The following QTMAN variants were observed in gnomAD, a reference collection of about 807,000 sequenced individuals.
The protein encoded by QTMAN is queuosine-tRNA mannosyltransferase.
chr2:144,154,861 T>C, the QTMAN span, among the ~76,000 whole-genome samples: 1 of 152,234 alleles, frequency 6.6e-6, no homozygotes, highest in Non-Finnish European at 1.5e-5. Flanking sequence ...AGGTCCTACA[T>C]CTGTCTTATT....
chr2:144,080,518 T>TA, the QTMAN span, among the ~76,000 whole-genome samples: 1 of 152,170 alleles, frequency 6.6e-6, no homozygotes, highest in African/African-American at 2.4e-5. Flanking sequence ...CAATGTTAAC[T>TA]AAACCATATG....
At chr2:143,943,487 T>C in the QTMAN span, 1 of 152,232 alleles carries the variant, frequency 6.6e-6, no homozygotes, top group African/African-American at 2.4e-5. Flanking sequence ...GAAAACTGAT[T>C]CTATCATCCA....
At chr2:144,301,043 T>C in the QTMAN span, among the ~76,000 whole-genome samples, 1 of 152,082 alleles carries the variant, frequency 6.6e-6, no homozygotes, top group African/African-American at 2.4e-5. Flanking sequence ...AGAAAGAAAA[T>C]GGGTTTTTTT....
At chr2:144,326,997 G>C in the QTMAN span, among the ~76,000 whole-genome samples, 3 of 152,076 alleles carry the variant, frequency 2.0e-5, no homozygotes, top group Non-Finnish European at 2.9e-5. Context: ...CTTTTGCTAC[G>C]ACGTGGGTGT....
chr2:144,096,453 G>C, the QTMAN span, among the ~76,000 whole-genome samples: 1 of 152,148 alleles, frequency 6.6e-6, no homozygotes. Context: ...AGACACTGTA[G>C]AACAATTGAG....
the QTMAN span, among the ~76,000 whole-genome samples, chr2:143,990,559 G>C: frequency 6.6e-6 from 1 of 152,128 alleles, no homozygotes; most frequent in Admixed American, 6.5e-5. Context: ...TGTGAGGATG[G>C]CTGTTATTGC....
At chr2:144,230,587 T>C in the QTMAN span, among the ~76,000 whole-genome samples, 1 of 152,068 alleles carries the variant, frequency 6.6e-6, no homozygotes, top group African/African-American at 2.4e-5. Context: ...CAGGGGCATA[T>C]TGGCAGAGGC....
chr2:144,113,677 C>T, the QTMAN span, among the ~76,000 whole-genome samples: 1 of 152,128 alleles, frequency 6.6e-6, no homozygotes, highest in Non-Finnish European at 1.5e-5. Flanking sequence ...CTTCTGAAAA[C>T]TAAAGACAGA....
the QTMAN span, among the ~76,000 whole-genome samples, chr2:144,107,155 G>A: frequency 2.0e-5 from 3 of 152,130 alleles, no homozygotes; most frequent in South Asian, 2.1e-4. Flanking sequence ...GAGAAAGCAG[G>A]AAAGATCTAA....
chr2:144,325,080 G>A, the QTMAN span, among the ~76,000 whole-genome samples: 1 of 152,140 alleles, frequency 6.6e-6, no homozygotes, highest in Non-Finnish European at 1.5e-5. Context: ...TCTATTTTAA[G>A]GGCCTACACT....
the QTMAN span, among the ~76,000 whole-genome samples, chr2:144,187,465 C>T: frequency 6.6e-6 from 1 of 152,160 alleles, no homozygotes; most frequent in East Asian, 1.9e-4. Flanking sequence ...CCATCCAGCC[C>T]CATGACCTAA....
At chr2:144,040,329 C>T in the QTMAN span, among the ~76,000 whole-genome samples, 105 of 152,136 alleles carry the variant, frequency 6.9e-4, 2 homozygotes, top group South Asian at 0.021. Context: ...GATTGTCTTA[C>T]TTTATTATCA....
At chr2:144,140,181 T>C in the QTMAN span, among the ~76,000 whole-genome samples, 1 of 152,078 alleles carries the variant, frequency 6.6e-6, no homozygotes, top group Non-Finnish European at 1.5e-5. Flanking sequence ...ATGAATGTTA[T>C]CTTGGCCACA....
At chr2:144,032,580 T>C in the QTMAN span, among the ~76,000 whole-genome samples, 2 of 152,118 alleles carry the variant, frequency 1.3e-5, no homozygotes, top group African/African-American at 4.8e-5. Flanking sequence ...GGTGGTGGTA[T>C]TTGTTGGAAA....
At chr2:144,037,009 A>ATGCAT in the QTMAN span, among the ~76,000 whole-genome samples, 2 of 152,334 alleles carry the variant, frequency 1.3e-5, no homozygotes, top group Middle Eastern at 6.8e-3. Flanking sequence ...AAGGCAAAGA[A>ATGCAT]ACAAGATGCA....
the QTMAN span, among the ~76,000 whole-genome samples, chr2:144,110,876 T>C: frequency 6.6e-6 from 1 of 152,184 alleles, no homozygotes; most frequent in South Asian, 2.1e-4. Context: ...TGGCACCTGA[T>C]CTTAAGTCTC....
At chr2:144,034,308 T>C in the QTMAN span, among the ~76,000 whole-genome samples, 1 of 152,214 alleles carries the variant, frequency 6.6e-6, no homozygotes, top group African/African-American at 2.4e-5. Context: ...AAGCTAGGTG[T>C]TTCATCCATG....
the QTMAN span, among the ~76,000 whole-genome samples, chr2:144,003,319 T>C: frequency 6.6e-6 from 1 of 151,730 alleles, no homozygotes; most frequent in Admixed American, 6.6e-5. Flanking sequence ...CAGCAGTGTG[T>C]CTTTTATGCC....
At chr2:144,101,715 T>TTA in the QTMAN span, among the ~76,000 whole-genome samples, 23 of 152,030 alleles carry the variant, frequency 1.5e-4, no homozygotes, top group African/African-American at 3.6e-4. Flanking sequence ...TCAATAAATG[T>TTA]TATATATATA....
Sources: allele counts gnomAD v4.1 joint callset (sites outside exome capture counted in the v4.1 genomes callset), GRCh38; gene constraint gnomAD v4.1.1; transcripts MANE v1.5; gene names NCBI Gene and HGNC (gene_info 2026-07-23, HGNC 2026-07-21).